The following SOX5 variants were observed in gnomAD, a reference collection of about 807,000 sequenced individuals.
The protein encoded by SOX5 is SRY-box transcription factor 5.
SOX5 carries 9 observed loss-of-function variants against 92.0 expected under a neutral mutation model. The observed-to-expected ratio is 0.10, with a 90% CI of 0.06 to 0.17. SOX5 has a LOEUF of 0.17. SOX5 is among the 10% of genes least tolerant of loss of function. The pLI, the probability that SOX5 is intolerant of heterozygous loss-of-function variation, is 1.00. For synonymous variants in SOX5, 344 were observed against 336.3 expected, an observed-to-expected ratio of 1.02 and a Z score of -0.25; for missense variants, 642 against 944.5, an observed-to-expected ratio of 0.68 and a Z score of 4.20.
At chr12:24,305,708 C>T (rs1948489033) in intron 2 of SOX5, among the ~76,000 whole-genome samples, 1 of 152,164 alleles carries the variant, frequency 6.6e-6, no homozygotes, top group South Asian at 2.1e-4. Context: ...AGTGATTCTC[C>T]TGCCTCAGCC....
chr12:23,991,068 A>G (rs1352975469), intron 4 of SOX5, among the ~76,000 whole-genome samples: 1 of 151,886 alleles, frequency 6.6e-6, no homozygotes, highest in Non-Finnish European at 1.5e-5. Context: ...CTATAGAAGT[A>G]TAAGGCTGGG....
intron 3 of SOX5, among the ~76,000 whole-genome samples, chr12:24,237,031 G>C (rs1374967071): frequency 6.6e-6 from 1 of 152,156 alleles, no homozygotes; most frequent in African/African-American, 2.4e-5. Flanking sequence ...AGGTGTACAT[G>C]TCTACTAGAA....
chr12:23,636,929 A>G lies in SOX5; in HGVS notation c.1017+3883T>C, dbSNP rs2079331764. On this transcript the variant is annotated intron_variant, in intron 8 of 14. Transcript: ENST00000451604. ...CCGCTTTCTTCTTTGTCAAATGGAGATATTAATACATAACACAAAACGTAA... is the reference window on the plus strand; with the variant it reads ...CCGCTTTCTTCTTTGTCAAATGGAGGTATTAATACATAACACAAAACGTAA... Among the ~76,000 whole-genome samples the G allele has an allele frequency of 2.0e-5, 3 of 152,198 alleles. No homozygotes were observed. The South Asian group carries it at 6.2e-4, about 31-fold the overall frequency.
At chr12:23,864,283 G>A (rs572989032) in intron 2 of SOX5, among the ~76,000 whole-genome samples, 15 of 152,088 alleles carry the variant, frequency 9.9e-5, no homozygotes, top group East Asian at 7.7e-4. Flanking sequence ...CTACTCGGGC[G>A]TCCCTATTAT....
chr12:23,617,071 G>C (rs577851336), intron 8 of SOX5, among the ~76,000 whole-genome samples: 3 of 149,936 alleles, frequency 2.0e-5, no homozygotes, highest in Admixed American at 6.7e-5. Context: ...GCTGCAGTGA[G>C]CTGTGATTGT....
At position 23,970,841 on chromosome 12, in the gene SOX5, A is replaced by ATATATTTTTTTTTTTTTTTTTTTTTT; in HGVS notation, c.-1-74818_-1-74817insAAAAAAAAAAAAAAAAAAAAAATATA. On this transcript the variant is annotated intron_variant, in intron 4 of 4. Coordinates refer to the SOX5 transcript ENST00000446891. ...ACATGGGACTTTATATATATATATA[A>ATATATTTTTTTTTTTTTTTTTTTTTT]TTTTTTTTTTTTTTTAAGAAATGGG... Among the ~76,000 whole-genome samples the ATATATTTTTTTTTTTTTTTTTTTTTT allele has an allele frequency of 2.7e-4, 6 of 21,884 alleles. 1 individual carries two copies. The highest frequency in any genetic ancestry group is 5.2e-4 in the Non-Finnish European group (5 of 9,706). 14.4% of individuals were successfully genotyped at this position (21,884 alleles called of 152,430 possible).
chr12:23,584,461 A>G (rs1368211032), intron 9 of SOX5: 1 of 1,021,048 alleles, frequency 9.8e-7, no homozygotes, highest in Non-Finnish European at 1.6e-6. Flanking sequence ...GAGTGGGAGA[A>G]ATCATAGAAA....
intron 1 of SOX5, among the ~76,000 whole-genome samples, chr12:24,414,106 T>C (rs1596405299): frequency 6.6e-6 from 1 of 152,346 alleles, no homozygotes; most frequent in East Asian, 1.9e-4. Context: ...CACAGTCAGA[T>C]ACTATAATTA....
chr12:23,710,244 TA>T (rs1472904054), intron 6 of SOX5, among the ~76,000 whole-genome samples: 2 of 152,284 alleles, frequency 1.3e-5, no homozygotes, highest in South Asian at 2.1e-4. Flanking sequence ...ATATGATATA[TA>T]TTTTTTTTAT....
At chr12:23,692,949 A>G (rs1343775332) in intron 6 of SOX5, among the ~76,000 whole-genome samples, 1 of 152,180 alleles carries the variant, frequency 6.6e-6, no homozygotes, top group Non-Finnish European at 1.5e-5. Context: ...ATTTTGGCTT[A>G]AAGTCTATTT....
rs559899750 is a variant in SOX5, at chr12:24,440,816, A to T, written c.-250-72177T>A. Among the ~76,000 whole-genome samples, 6 of 152,286 alleles carry T rather than the reference A, an allele frequency of 3.9e-5. No homozygotes were observed. In the East Asian group the frequency reaches 1.2e-3, roughly 29 times the overall value. The stretch of plus-strand genomic sequence containing the variant: ...TTTTTCAATCTCCCAGACAATCCTA[A>T]ACAGATGGTTTGACCCACATTATTC... On this transcript the variant is annotated intron_variant, in intron 1 of 4. Transcript: ENST00000446891.
intron 4 of SOX5, among the ~76,000 whole-genome samples, chr12:24,006,835 C>A (rs1055374451): frequency 4.6e-5 from 7 of 151,922 alleles, no homozygotes; most frequent in African/African-American, 1.7e-4. Flanking sequence ...AGCTGATTGG[C>A]ATTAATATCT....
chr12:23,894,357 A>G (rs2137644299), intron 2 of SOX5, among the ~76,000 whole-genome samples: 1 of 152,152 alleles, frequency 6.6e-6, no homozygotes, highest in East Asian at 1.9e-4. Context: ...CTTCCCACGT[A>G]GCTGGGATTA....
At chr12:24,025,845 G>C (rs1473616664) in intron 4 of SOX5, among the ~76,000 whole-genome samples, 1 of 152,056 alleles carries the variant, frequency 6.6e-6, no homozygotes, top group Admixed American at 6.6e-5. Flanking sequence ...TCAGAAGAGT[G>C]AACTGGATCT....
intron 1 of SOX5, among the ~76,000 whole-genome samples, chr12:24,487,346 G>A (rs961498178): frequency 6.6e-6 from 1 of 152,012 alleles, no homozygotes; most frequent in African/African-American, 2.4e-5. Flanking sequence ...AAATTTAAAA[G>A]CTTAGGAAAA....
chr12:23,681,500 G>A (rs2086624575), intron 6 of SOX5, among the ~76,000 whole-genome samples: 1 of 151,312 alleles, frequency 6.6e-6, no homozygotes, highest in Non-Finnish European at 1.5e-5. Context: ...GTTTACAAGA[G>A]ATATACTTAA....
chr12:23,693,859 T>G (rs2089338555), intron 6 of SOX5, among the ~76,000 whole-genome samples: 1 of 152,202 alleles, frequency 6.6e-6, no homozygotes, highest in Non-Finnish European at 1.5e-5. Context: ...ATTAAAACGT[T>G]TTTAATTTCT....
chr12:23,664,499 T>C (rs1184292051), intron 7 of SOX5, among the ~76,000 whole-genome samples: 2 of 152,206 alleles, frequency 1.3e-5, no homozygotes, highest in Non-Finnish European at 1.5e-5. Context: ...TTCTGGAAGA[T>C]ATCTAGCTTA....
intron 3 of SOX5, among the ~76,000 whole-genome samples, chr12:23,811,633 G>A (rs946968302): frequency 6.6e-5 from 10 of 152,022 alleles, no homozygotes; most frequent in African/African-American, 2.4e-4. Flanking sequence ...TATGTTGAGA[G>A]GCAAAATTGT....
Sources: gnomAD v4.1 joint callset for allele counts (sites outside exome capture counted in the v4.1 genomes callset) on GRCh38, gnomAD v4.1.1 for gene constraint, MANE v1.5 for transcripts, NCBI Gene and HGNC (gene_info 2026-07-23, HGNC 2026-07-21) for gene names.